The following DARS1 variants were observed in gnomAD, a reference collection of about 807,000 sequenced individuals.
The protein encoded by DARS1 is aspartate--tRNA ligase, cytoplasmic.
Under a neutral mutation model 68.8 loss-of-function variants are expected in DARS1, and 51 were observed. The observed-to-expected ratio is 0.74, with a 90% CI of 0.59 to 0.94. The LOEUF is 0.94. Ranked by LOEUF, DARS1 falls within the 40% of genes least tolerant of loss-of-function variation. The pLI, the probability that DARS1 is intolerant of heterozygous loss-of-function variation, is 0.00. For missense variants in DARS1, 607 were observed against 597.3 expected (o/e 1.02, Z -0.17); for synonymous variants, 203 against 190.4 (o/e 1.07, Z -0.55).
chr2:135,919,680 G>A (rs1321325891), intron 10 of DARS1, among the ~76,000 whole-genome samples: 1 of 152,182 alleles, frequency 6.6e-6, no homozygotes, highest in Non-Finnish European at 1.5e-5. Context: ...AAAGGGAAGA[G>A]CTCTTTGCCA....
chr2:135,933,129 A>T (rs190480411), intron 6 of DARS1, among the ~76,000 whole-genome samples: 34 of 152,272 alleles, frequency 2.2e-4, no homozygotes, highest in African/African-American at 8.2e-4. Context: ...AAAATTAACC[A>T]CCCACTTCTT....
chr2:135,977,677 C>G (rs1219666916), intron 3 of DARS1, among the ~76,000 whole-genome samples: 1 of 152,092 alleles, frequency 6.6e-6, no homozygotes, highest in Non-Finnish European at 1.5e-5. Flanking sequence ...AAAACTCCAC[C>G]AGTACTCTTC....
chr2:135,950,585 T>C (rs893467225), intron 4 of DARS1, among the ~76,000 whole-genome samples: 5 of 152,200 alleles, frequency 3.3e-5, no homozygotes, highest in African/African-American at 1.2e-4. Flanking sequence ...TTTTTAATAA[T>C]AACAGAAGGG....
intron 7 of DARS1, among the ~76,000 whole-genome samples, chr2:135,928,795 C>T (rs1039544447): frequency 6.0e-5 from 9 of 149,808 alleles, no homozygotes; most frequent in Non-Finnish European, 1.0e-4. Context: ...CCCGCCACCA[C>T]GCCTGGCTAA....
At chr2:135,928,970 A>G (rs1681284468) in intron 7 of DARS1, among the ~76,000 whole-genome samples, 2 of 152,208 alleles carry the variant, frequency 1.3e-5, no homozygotes, top group African/African-American at 2.4e-5. Flanking sequence ...AATTGCTATT[A>G]TATTACATAT....
intron 3 of DARS1, 152 bp downstream of exon 3, chr2:135,979,122 C>A: frequency 3.8e-6 from 2 of 530,554 alleles, no homozygotes; most frequent in Middle Eastern, 6.0e-4. Context: ...AATTGATTAA[C>A]CATGGGTTAA....
Position 135,923,697 on chromosome 2 carries a change from AAATGATT to A in DARS1, c.676+683_676+689del, listed in dbSNP as rs1378111964. 5.3e-5 allele frequency among the ~76,000 whole-genome samples: 8 copies of A among 152,330 alleles called. No individual in the cohort carries two copies. In the East Asian group the frequency reaches 1.3e-3, roughly 26 times the overall value. On this transcript the variant is annotated intron_variant, in intron 8 of 15. Coordinates refer to ENST00000264161, the MANE Select transcript of DARS1 (RefSeq NM_001349.4). ...GTGTTAAACAAATCTAAAAAGGGTA[AAATGATT>A]AAGACAAGATTCTCATACAAGAATA... is the stretch of plus-strand genomic sequence containing the variant.
chr2:135,964,292 T>G (rs1275290144), intron 3 of DARS1, among the ~76,000 whole-genome samples: 1 of 152,200 alleles, frequency 6.6e-6, no homozygotes, highest in East Asian at 1.9e-4. Context: ...CCCTGTATTT[T>G]TCTGTATTTT....
At chr2:135,938,502 G>C (rs1241614744) in intron 5 of DARS1, among the ~76,000 whole-genome samples, 4 of 152,180 alleles carry the variant, frequency 2.6e-5, no homozygotes, top group Non-Finnish European at 5.9e-5. Flanking sequence ...ATTTGTCAAA[G>C]TCATTCTCTG....
chr2:135,934,898 G>A (rs1681433928), intron 5 of DARS1, among the ~76,000 whole-genome samples: 1 of 150,496 alleles, frequency 6.6e-6, no homozygotes, highest in African/African-American at 2.4e-5. Context: ...GGGTTCAAGC[G>A]ATTCTCCCAC....
In DARS1 at chr2:135,922,741, A is replaced by G. The variant is rs535140388; in HGVS notation, c.811+43T>C. The G allele has an allele frequency of 5.4e-6, 8 of 1,494,788 alleles. No homozygotes were observed. The African/African-American group carries it at 1.2e-4, about 22-fold the overall frequency. The allele number at this position is 1,494,788 out of a possible 1,614,324, so 92.6% of individuals were successfully genotyped here. A position where few individuals can be genotyped will look rare whatever the true frequency, so the allele number is the denominator to read the frequency against. ...ATGTTTCTAAAATTATAACTGCTGT[A>G]TAATTAATTAACTTGGATAAAACAT... On this transcript the variant is annotated intron_variant, in intron 9 of 15. Coordinates refer to ENST00000264161, the MANE Select transcript of DARS1 (RefSeq NM_001349.4).
chr2:135,979,493 T>C, intron 2 of DARS1, 127 bp from the exon 3 acceptor site: 3 of 611,968 alleles, frequency 4.9e-6, no homozygotes, highest in South Asian at 2.2e-5. Flanking sequence ...TTCTCAATCT[T>C]TGACAACACT....
At chr2:135,947,831 A>C (rs955389391) in intron 4 of DARS1, among the ~76,000 whole-genome samples, 11 of 151,928 alleles carry the variant, frequency 7.2e-5, no homozygotes, top group African/African-American at 1.5e-4. Flanking sequence ...GTGAAAAAAA[A>C]AAAAACAAAA....
chr2:135,959,443 A>G (rs1189331317), intron 4 of DARS1, among the ~76,000 whole-genome samples: 4 of 143,892 alleles, frequency 2.8e-5, no homozygotes, highest in Non-Finnish European at 4.5e-5. Context: ...GATCGCCCGT[A>G]TATCATCCCA....
chr2:135,958,089 G>C (rs926757389), intron 4 of DARS1, among the ~76,000 whole-genome samples: 1 of 152,096 alleles, frequency 6.6e-6, no homozygotes, highest in Non-Finnish European at 1.5e-5. Context: ...GTAGAGTCAG[G>C]ATATTTCAGC....
In DARS1 at chr2:135,978,969, C is replaced by CG. The variant is rs1213985644; in HGVS notation, c.217+304_217+305insC. On this transcript the variant is annotated intron_variant, in intron 3 of 15. Transcript: ENST00000264161. ...ATAATTAAAGTTTACTCTTTTTTTT[C>CG]AATTTTTTTTTTTTTTTAGCTACTC... 5.7e-5 allele frequency: 11 copies of CG among 193,270 alleles called. No homozygotes were observed. The East Asian group carries it at 1.2e-3, about 22-fold the overall frequency. The allele number at this position is 193,270 out of a possible 1,614,324, so 12.0% of individuals were successfully genotyped here.
intron 4 of DARS1, among the ~76,000 whole-genome samples, chr2:135,959,667 G>A (rs954767116): frequency 1.3e-5 from 2 of 151,960 alleles, no homozygotes; most frequent in Non-Finnish European, 2.9e-5. Context: ...ACTTATTTGC[G>A]GAGTACTTTA....
intron 3 of DARS1, among the ~76,000 whole-genome samples, chr2:135,969,050 G>A (rs1234450021): frequency 6.6e-6 from 1 of 151,990 alleles, no homozygotes; most frequent in African/African-American, 2.4e-5. Flanking sequence ...ATACCTGTGG[G>A]AATATATTTG....
At chr2:135,951,155 C>A (rs1027727146) in intron 4 of DARS1, among the ~76,000 whole-genome samples, 1 of 152,200 alleles carries the variant, frequency 6.6e-6, no homozygotes, top group African/African-American at 2.4e-5. Flanking sequence ...TGGAACTTCT[C>A]TTCAATTAAC....
Sources: gnomAD v4.1 joint callset for allele counts (sites outside exome capture counted in the v4.1 genomes callset) on GRCh38, gnomAD v4.1.1 for gene constraint, MANE v1.5 for transcripts, NCBI Gene and HGNC (gene_info 2026-07-23, HGNC 2026-07-21) for gene names.